Variants in ARV1 observed in about 807,000 individuals in gnomAD.
ARV1 encodes the protein ARV1 fatty acid homeostasis modulator, also known as protein ARV1.
Under a neutral mutation model 31.1 loss-of-function variants are expected in ARV1, and 26 were observed. The observed-to-expected ratio is 0.84, with a 90% CI of 0.61 to 1.16. The LOEUF (loss-of-function observed/expected upper bound fraction) is 1.16. Among genes scored for constraint, ARV1 ranks in the 50% most tolerant of loss-of-function variants. The pLI is 0.00. For missense variants in ARV1, 281 were observed against 324.9 expected, an observed-to-expected ratio of 0.86 and a Z score of 1.04; for synonymous variants, 117 against 123.2, an observed-to-expected ratio of 0.95 and a Z score of 0.34.
rs1185181245 is a variant in ARV1 at position 230,997,190 on chromosome 1, T to C, written c.743T>C (p.Met248Thr). The stretch of plus-strand genomic sequence containing the variant: ...AGTGGCTTACTGCTGGAAAGCATCA[T>C]GGTCTACTTCTTCCAGAGTATGGAA... ...VLSGLLLESIMVYFFQSMEWD... is the reference protein window; with the variant it reads ...VLSGLLLESITVYFFQSMEWD... Residue 248 changes from methionine (M) to threonine (T), a missense_variant, in exon 5 of 6, where the codon ATG (methionine) becomes ACG (threonine). By Grantham distance (81) the Met-to-Thr change is moderately conservative (BLOSUM62 -1). Coordinates refer to ENST00000310256, the MANE Select transcript of ARV1 (RefSeq NM_022786.3). 4 of 1,613,822 alleles carry C rather than the reference T, an allele frequency of 2.5e-6. No individual in the cohort carries two copies. The highest frequency in any genetic ancestry group is 1.1e-5 in the South Asian group (1 of 91,078).
In ARV1 at chr1:230,990,150, C is replaced by T. The variant is rs774117148; in HGVS notation, c.335C>T (p.Ala112Val). 1 of 1,611,118 alleles carries T rather than the reference C, an allele frequency of 6.2e-7. No homozygotes were observed. ...KLCIFCLLCE[A>V]YLRWWQLQDS... ...TGCATATTTTGTTTGCTTTGTGAAG[C>T]ATACCTGAGGTGGTGGCAGCTTCAA... Residue 112 changes from alanine to valine, a missense_variant, in exon 3 of 6, where the codon GCA becomes GTA. Transcript: ENST00000310256.
Position 230,988,445 on chromosome 1 carries a change from T to A in ARV1, c.294+6T>A. On this transcript the variant is annotated splice_donor_region_variant and intron_variant, in intron 2 of 5. Transcript: ENST00000310256. Reference sequence around the variant, plus strand: ...TTTTCAATACTCAAATAAATGTAAGTTGTGATAATTTCATTTTTTAATTTT... The same window carrying A: ...TTTTCAATACTCAAATAAATGTAAGATGTGATAATTTCATTTTTTAATTTT... 6.6e-7 allele frequency: 1 copy of A among 1,511,218 alleles called. No individual in the cohort carries two copies. Among genetic ancestry groups the A allele is most frequent in the Non-Finnish European group, 8.9e-7 (1 of 1,125,868 alleles). 93.6% of individuals were successfully genotyped at this position (1,511,218 alleles called of 1,614,324 possible).
chr1:230,997,778 T>C (rs745820134), intron 5 of ARV1, among the ~76,000 whole-genome samples: 38 of 152,202 alleles, frequency 2.5e-4, no homozygotes, highest in Non-Finnish European at 5.0e-4. Flanking sequence ...CCTTCCATCA[T>C]ACGTGCTTTG....
chr1:230,990,172 T>A lies in ARV1; in HGVS notation c.357T>A (p.Leu119=). The A allele has an allele frequency of 1.9e-6, 3 of 1,613,252 alleles. No individual in the cohort carries two copies. The highest frequency in any genetic ancestry group is 2.5e-6 in the Non-Finnish European group (3 of 1,179,856). ...LCEAYLRWWQ[L]QDSNQNTAPD... is the part of the protein sequence containing the mutation. ...AAGCATACCTGAGGTGGTGGCAGCTTCAAGATTCCAACCAGAATACTGCCC... is the reference window on the plus strand; with the variant it reads ...AAGCATACCTGAGGTGGTGGCAGCTACAAGATTCCAACCAGAATACTGCCC... Residue 119 remains leucine (L), a synonymous_variant, in exon 3 of 6, where the codon CTT becomes CTA. Coordinates refer to ENST00000310256, the MANE Select transcript of ARV1 (RefSeq NM_022786.3).
intron 1 of ARV1, among the ~76,000 whole-genome samples, chr1:230,984,402 A>C (rs1021125631): frequency 2.5e-5 from 2 of 79,370 alleles, no homozygotes; most frequent in Non-Finnish European, 5.9e-5. Context: ...GTGTGTGTGT[A>C]GTTTTCCTCT....
At chr1:230,982,098 A>AT (rs557748140) in intron 1 of ARV1, among the ~76,000 whole-genome samples, 1 of 152,252 alleles carries the variant, frequency 6.6e-6, no homozygotes, top group Non-Finnish European at 1.5e-5. Context: ...AAGGACAGAC[A>AT]TTCTCTCTGT....
chr1:230,988,310 A>G lies in ARV1; in HGVS notation c.175-10A>G. The G allele has an allele frequency of 1.3e-6, 2 of 1,582,916 alleles. No individual in the cohort carries two copies. Among genetic ancestry groups the G allele is most frequent in the Non-Finnish European group, 1.7e-6 (2 of 1,157,852 alleles). ...TTTGCTTGTTCTAATATTATCTTGT[A>G]TTATTTCAGAAATCCTGCCAGAAAC... On this transcript the variant is annotated splice_polypyrimidine_tract_variant and intron_variant, in intron 1 of 5. Coordinates refer to ENST00000310256, the MANE Select transcript of ARV1 (RefSeq NM_022786.3).
intron 1 of ARV1, among the ~76,000 whole-genome samples, chr1:230,985,573 T>G (rs1348182325): frequency 6.6e-6 from 1 of 152,240 alleles, no homozygotes; most frequent in Non-Finnish European, 1.5e-5. Flanking sequence ...CTCCTGGTGC[T>G]GGTTTCTGCC....
intron 3 of ARV1, 76 bp from the exon 4 acceptor site, chr1:230,995,684 T>A: frequency 1.9e-6 from 2 of 1,073,756 alleles, no homozygotes; most frequent in South Asian, 3.0e-5. Flanking sequence ...TATTTTAGAA[T>A]GGTGGTTTAT....
At chr1:230,989,451 A>T (rs1364149851) in intron 2 of ARV1, among the ~76,000 whole-genome samples, 2 of 152,146 alleles carry the variant, frequency 1.3e-5, no homozygotes, top group African/African-American at 2.4e-5. Flanking sequence ...CTCACTTTAT[A>T]TTGATGGAGA....
chr1:230,997,712 C>T (rs1679409385), intron 5 of ARV1, among the ~76,000 whole-genome samples: 1 of 152,270 alleles, frequency 6.6e-6, no homozygotes. Flanking sequence ...CACCTGGAAC[C>T]TATAGGCTGT....
chr1:230,985,317 C>A (rs1370568235), intron 1 of ARV1, among the ~76,000 whole-genome samples: 1 of 152,088 alleles, frequency 6.6e-6, no homozygotes, highest in Non-Finnish European at 1.5e-5. Flanking sequence ...CCATTGTAGC[C>A]GTTGGATGTT....
At chr1:230,986,131 C>T (rs1044201796) in intron 1 of ARV1, among the ~76,000 whole-genome samples, 1 of 151,836 alleles carries the variant, frequency 6.6e-6, no homozygotes, top group African/African-American at 2.4e-5. Context: ...ACCATGTTAG[C>T]CAGGATGGTC....
intron 1 of ARV1, 161 bp downstream of exon 1, chr1:230,979,440 C>T (rs1678759868): frequency 1.2e-6 from 1 of 812,578 alleles, no homozygotes; most frequent in East Asian, 3.2e-5. Flanking sequence ...ACTCAGCTAC[C>T]CGACAGCGCT....
intron 3 of ARV1, 107 bp from the exon 4 acceptor site, chr1:230,995,653 A>T: frequency 1.3e-6 from 1 of 777,662 alleles, no homozygotes; most frequent in Non-Finnish European, 2.0e-6. Context: ...AGTATTTCTT[A>T]TGAAGTCAGC....
intron 3 of ARV1, chr1:230,990,628 C>A: frequency 2.9e-6 from 1 of 347,550 alleles, no homozygotes; most frequent in Non-Finnish European, 5.8e-6. Flanking sequence ...AGTCACAGCT[C>A]ACTGCAGCCC....
intron 2 of ARV1, among the ~76,000 whole-genome samples, chr1:230,988,989 G>C (rs1422623677): frequency 6.6e-6 from 1 of 151,994 alleles, no homozygotes; most frequent in Non-Finnish European, 1.5e-5. Flanking sequence ...TAACATACAG[G>C]ACAGTCAATT....
rs141961397 is a variant in ARV1 at position 230,994,746 on chromosome 1, G to A, written c.449-1014G>A. Among the ~76,000 whole-genome samples, 806 of 152,086 alleles carry A rather than the reference G, an allele frequency of 5.3e-3. 9 individuals carry two copies. The highest frequency in any genetic ancestry group is 0.017 in the African/African-American group (719 of 41,510). On this transcript the variant is annotated intron_variant, in intron 3 of 5. Coordinates refer to ENST00000310256, the MANE Select transcript of ARV1 (RefSeq NM_022786.3). ...TTTTTAGTAGAGACGGGGTTTCACC[G>A]TGTTAGCCAGGATGATCTCAATCTC...
At chr1:230,995,569 C>A (rs1176228037) in intron 3 of ARV1, among the ~76,000 whole-genome samples, 191 bp from the exon 4 acceptor site, 2 of 142,228 alleles carry the variant, frequency 1.4e-5, no homozygotes, top group African/African-American at 2.7e-5. Flanking sequence ...AATACAAAAG[C>A]CAGGGGTTTA....
Sources: allele counts gnomAD v4.1 joint callset (sites outside exome capture counted in the v4.1 genomes callset), GRCh38; gene constraint gnomAD v4.1.1; transcripts MANE v1.5; gene names NCBI Gene and HGNC (gene_info 2026-07-23, HGNC 2026-07-21).